MGAM: variants seen among roughly 807,000 people sequenced by gnomAD.
The protein encoded by MGAM is maltase-glucoamylase.
A neutral mutation model predicts 358.8 loss-of-function variants in MGAM; 253 were observed. The ratio of observed to expected loss-of-function variants is 0.71; its 90% CI spans 0.64 to 0.78. The LOEUF (loss-of-function observed/expected upper bound fraction) is 0.78. MGAM is among the 30% of genes least tolerant of loss of function. The pLI is 0.00. For synonymous variants in MGAM, 1,105 were observed against 1,227.1 expected (o/e 0.90, Z 2.08); for missense variants, 3,080 against 3,432.6 (o/e 0.90, Z 2.57).
In MGAM at chr7:142,066,338, G is replaced by A. The variant is rs1012447022; in HGVS notation, c.4771-235G>A. ...TTATTATTTTTTTCCTGTATTTCAG[G>A]CAGAATTTTACCAAATGTTCCAAAA... On this transcript the variant is annotated intron_variant, in intron 40 of 70. Transcript: ENST00000475668. Among the ~76,000 whole-genome samples the A allele has an allele frequency of 4.1e-5, 6 of 145,660 alleles. 1 individual carries two copies. Among genetic ancestry groups the A allele is most frequent in the African/African-American group, 1.5e-4 (6 of 41,040 alleles).
intron 3 of MGAM, 44 bp downstream of exon 3, chr7:142,008,749 T>C (rs782218304): frequency 3.2e-6 from 5 of 1,580,354 alleles, no homozygotes; most frequent in Non-Finnish European, 4.3e-6. Context: ...TTTATGCAAC[T>C]TGATAGTTTA....
In MGAM at chr7:142,093,495, C is replaced by T; in HGVS notation, c.7117C>T (p.Gln2373Ter). 2 of 1,515,020 alleles carry T rather than the reference C, an allele frequency of 1.3e-6. No individual in the cohort carries two copies. The highest frequency in any genetic ancestry group is 1.8e-6 in the Non-Finnish European group (2 of 1,111,372). The allele number at this position is 1,515,020 out of a possible 1,614,324, so 93.8% of individuals were successfully genotyped here. ...QQILPDGSPV[Q>*]HYNVHNLYGW... ...GATCCTCCCAGACGGCTCCCCGGTG[C>T]AGCACTACAATGTGCACAACCTGTA... is the stretch of plus-strand genomic sequence containing the variant. The change falls in exon 60 of 71, where the codon CAG (glutamine) becomes TAG (stop). Residue 2373 changes from glutamine to a stop codon, truncating the protein, a stop_gained. Coordinates refer to ENST00000475668, the MANE Select transcript of MGAM (RefSeq NM_001365693.1). LOFTEE classifies it high-confidence loss of function.
intron 3 of MGAM, among the ~76,000 whole-genome samples, chr7:142,009,826 C>T (rs1383018624): frequency 1.4e-4 from 22 of 151,920 alleles, no homozygotes; most frequent in Non-Finnish European, 2.5e-4. Context: ...ATCCTGAGAG[C>T]GGTATGCTGA....
chr7:142,055,850 T>A, intron 28 of MGAM, 124 bp downstream of exon 28: 1 of 1,490,462 alleles, frequency 6.7e-7, no homozygotes, highest in Non-Finnish European at 9.1e-7. Flanking sequence ...AGTGGGCCAA[T>A]TCTCAGGCTC....
At chr7:142,070,832 A>G (rs73740262) in intron 43 of MGAM, among the ~76,000 whole-genome samples, 162 bp from the exon 44 acceptor site, 14,091 of 146,182 alleles carry the variant, frequency 0.096, 2,107 homozygotes, top group African/African-American at 0.23. Flanking sequence ...GCGAGGTTTT[A>G]TGCAGCACTG....
In MGAM at chr7:142,068,658, T is replaced by C; in HGVS notation, c.5016T>C (p.Asn1672=). 1 of 1,539,524 alleles carries C rather than the reference T, an allele frequency of 6.5e-7. No homozygotes were observed. Among genetic ancestry groups the C allele is most frequent in the Non-Finnish European group, 8.9e-7 (1 of 1,119,388 alleles). Residue 1672 remains asparagine (N), a synonymous_variant, in exon 43 of 71, where the codon AAT becomes AAC. Transcript: ENST00000475668. Reference sequence around the variant, plus strand: ...GTGTTTCATTTTAGAATGCCAGAAATGTCACTGCATATTTCCCTAGAGCCC... The same window carrying C: ...GTGTTTCATTTTAGAATGCCAGAAACGTCACTGCATATTTCCCTAGAGCCC... ...VSPVLERNAR[N]VTAYFPRARW...
At position 142,092,099 on chromosome 7, in the gene MGAM, G is replaced by T. The variant is rs904953904; in HGVS notation, c.6945+52G>T. Reference sequence around the variant, plus strand: ...CAGTGACACTTGTCTATCTTTGTGTGCCTACGTGTATGTACCACTGACCTT... The same window carrying T: ...CAGTGACACTTGTCTATCTTTGTGTTCCTACGTGTATGTACCACTGACCTT... On this transcript the variant is annotated intron_variant, in intron 58 of 70. Coordinates refer to ENST00000475668, the MANE Select transcript of MGAM (RefSeq NM_001365693.1). The T allele has an allele frequency of 4.6e-6, 7 of 1,531,694 alleles. 2 individuals carry two copies. The highest frequency in any genetic ancestry group is 1.3e-5 in the African/African-American group (1 of 74,280). The allele number at this position is 1,531,694 out of a possible 1,614,324, so 94.9% of individuals were successfully genotyped here.
Position 142,078,371 on chromosome 7 carries a change from G to T in MGAM, c.5547G>T (p.Glu1849Asp). 1 of 1,517,866 alleles carries T rather than the reference G, an allele frequency of 6.6e-7. No homozygotes were observed. The highest frequency in any genetic ancestry group is 9.0e-7 in the Non-Finnish European group (1 of 1,111,316). The allele number at this position is 1,517,866 out of a possible 1,614,324, so 94.0% of individuals were successfully genotyped here. ...NLFLGEAYTV[E>D]WSIKIRDEEK... ...TCCTGGGAGAAGCATACACAGTGGA[G>T]TGGAGCATAAAGATAAGGGATGAAG... Residue 1849 changes from glutamate (E) to aspartate (D), a missense_variant, in exon 48 of 71, where the codon GAG (glutamate) becomes GAT (aspartate). Transcript: ENST00000475668.
chr7:142,022,261 T>C lies in MGAM; in HGVS notation c.711-7T>C, dbSNP rs782297128. On this transcript the variant is annotated splice_region_variant and splice_polypyrimidine_tract_variant and intron_variant, in intron 6 of 70. Transcript: ENST00000475668. ...CACCCATCCTTGTGTTCTCCACCTG[T>C]GTCTAGGTTTGACTCGAGCATTGGG... 2 of 1,599,420 alleles carry C rather than the reference T, an allele frequency of 1.3e-6. No homozygotes were observed. The highest frequency in any genetic ancestry group is 1.1e-5 in the South Asian group (1 of 89,166).
At chr7:142,007,787 T>A (rs1805287277) in intron 2 of MGAM, among the ~76,000 whole-genome samples, 1 of 152,156 alleles carries the variant, frequency 6.6e-6, no homozygotes, top group African/African-American at 2.4e-5. Flanking sequence ...TCCCTTTACA[T>A]CTTTTGTCAT....
intron 70 of MGAM, among the ~76,000 whole-genome samples, chr7:142,103,920 G>A (rs747657574): frequency 2.7e-5 from 4 of 150,278 alleles, no homozygotes; most frequent in Non-Finnish European, 5.9e-5. Flanking sequence ...GCAGTGGCAT[G>A]TGATCTCAGC....
chr7:142,036,203 C>A lies in MGAM; in HGVS notation c.1994C>A (p.Thr665Asn), dbSNP rs1460617216. The change falls in exon 17 of 71, where the codon ACC becomes AAC. Residue 665 changes from threonine (T) to asparagine (N), a missense_variant. Physicochemically the swap from Thr to Asn is moderately conservative, Grantham distance 65 (BLOSUM62 0). Coordinates refer to ENST00000475668, the MANE Select transcript of MGAM (RefSeq NM_001365693.1). Reference protein sequence around the residue: ...GPDICGFALDTPEELCRRWMQ... With the variant: ...GPDICGFALDNPEELCRRWMQ... Reference sequence around the variant, plus strand: ...GACATATGTGGCTTTGCTTTGGACACCCCTGAGGAGCTCTGTAGGCGGTGG... The same window carrying A: ...GACATATGTGGCTTTGCTTTGGACAACCCTGAGGAGCTCTGTAGGCGGTGG... The A allele has an allele frequency of 2.5e-6, 4 of 1,612,192 alleles. No homozygotes were observed. The highest frequency in any genetic ancestry group is 3.4e-6 in the Non-Finnish European group (4 of 1,179,250).
intron 68 of MGAM, 21 bp downstream of exon 68, chr7:142,100,911 A>C: frequency 6.3e-7 from 1 of 1,599,946 alleles, no homozygotes; most frequent in Non-Finnish European, 8.6e-7. Flanking sequence ...GTTGCCTGAG[A>C]TTCATGCTGA....
At position 142,053,371 on chromosome 7, in the gene MGAM, A is replaced by G. The variant is rs147465721; in HGVS notation, c.3159+387A>G. ...AGTGCTCAATTGCAAGCAGGTGACAATGGAGATGGAACATCAAGAATGATG... is the reference window on the plus strand; with the variant it reads ...AGTGCTCAATTGCAAGCAGGTGACAGTGGAGATGGAACATCAAGAATGATG... On this transcript the variant is annotated intron_variant, in intron 26 of 70. Coordinates refer to ENST00000475668, the MANE Select transcript of MGAM (RefSeq NM_001365693.1). 2.6e-5 allele frequency among the ~76,000 whole-genome samples: 4 copies of G among 152,148 alleles called. No individual in the cohort carries two copies. In the East Asian group the frequency reaches 7.7e-4, roughly 29 times the overall value.
chr7:142,067,720 G>A (rs912845768), intron 42 of MGAM, among the ~76,000 whole-genome samples: 8 of 139,216 alleles, frequency 5.7e-5, no homozygotes, highest in Admixed American at 7.5e-5. Flanking sequence ...TTAATAGAAG[G>A]TCAGATGGGG....
At chr7:142,030,947 A>T (rs1807433137) in intron 12 of MGAM, among the ~76,000 whole-genome samples, 190 bp downstream of exon 12, 1 of 151,602 alleles carries the variant, frequency 6.6e-6, no homozygotes, top group Non-Finnish European at 1.5e-5. Flanking sequence ...TAGCTTTTTG[A>T]TTCCCTTCAC....
Position 142,001,063 on chromosome 7 carries a change from T to G in MGAM, c.-2-4466T>G, listed in dbSNP as rs531537459. On this transcript the variant is annotated intron_variant, in intron 1 of 70. Coordinates refer to ENST00000475668, the MANE Select transcript of MGAM (RefSeq NM_001365693.1). Reference sequence around the variant, plus strand: ...ATTACTCTTTGCTTTATTAGTTAATTTAATTATACCAGGCATGAGAGATTA... The same window carrying G: ...ATTACTCTTTGCTTTATTAGTTAATGTAATTATACCAGGCATGAGAGATTA... Among the ~76,000 whole-genome samples, 16 of 152,352 alleles carry G rather than the reference T, an allele frequency of 1.1e-4. No individual in the cohort carries two copies. In the South Asian group the frequency reaches 3.1e-3, roughly 30 times the overall value.
chr7:142,083,187 G>T, intron 52 of MGAM, 114 bp from the exon 53 acceptor site: 1 of 781,846 alleles, frequency 1.3e-6, no homozygotes, highest in South Asian at 2.0e-5. Flanking sequence ...GAAAATACTG[G>T]CTCTTACTAC....
At chr7:142,045,187 G>T (rs192373654) in intron 21 of MGAM, among the ~76,000 whole-genome samples, 2 of 69,618 alleles carry the variant, frequency 2.9e-5, no homozygotes, top group African/African-American at 1.7e-4. Context: ...TAACATATAT[G>T]ATATATAATA....
Sources: allele counts gnomAD v4.1 joint callset (sites outside exome capture counted in the v4.1 genomes callset), GRCh38; gene constraint gnomAD v4.1.1; transcripts MANE v1.5; gene names NCBI Gene and HGNC (gene_info 2026-07-23, HGNC 2026-07-21).